Variants in DRAM2 observed in about 807,000 individuals in gnomAD.
DRAM2 encodes DNA damage regulated autophagy modulator 2.
DRAM2 carries 26 observed loss-of-function variants against 33.5 expected under a neutral mutation model. The ratio of observed to expected loss-of-function variants is 0.78; its 90% CI spans 0.57 to 1.08. The LOEUF is 1.08. Among genes scored for constraint, DRAM2 ranks in the 50% least tolerant of loss-of-function variants. DRAM2 has a pLI of 0.00. For missense variants in DRAM2, 311 were observed against 318.1 expected, an observed-to-expected ratio of 0.98 and a Z score of 0.17; for synonymous variants, 98 against 109.5, an observed-to-expected ratio of 0.89 and a Z score of 0.66.
Position 111,119,920 on chromosome 1 carries a change from C to T in DRAM2, c.557G>A (p.Gly186Glu). The part of the protein sequence containing the change: ...CSSVLHSGNF[G>E]TDLEQKLHWN... The stretch of plus-strand genomic sequence containing the variant: ...ATGGAGTTTCTGTTCTAAATCAGTC[C>T]CAAAATTGCCACTGTGCAAAACTGA... The change falls in exon 8 of 10, where the codon GGG becomes GAG. Residue 186 changes from glycine to glutamate, a missense_variant. By Grantham distance (98) the Gly-to-Glu change is moderately conservative. Transcript: ENST00000484310. 3 of 1,612,636 alleles carry T rather than the reference C, an allele frequency of 1.9e-6. No individual in the cohort carries two copies. Among genetic ancestry groups the T allele is most frequent in the Non-Finnish European group, 2.5e-6 (3 of 1,179,078 alleles).
intron 3 of DRAM2, among the ~76,000 whole-genome samples, chr1:111,137,198 G>A (rs910006429): frequency 1.4e-5 from 2 of 147,106 alleles, no homozygotes; most frequent in Non-Finnish European, 1.5e-5. Context: ...AGCCTGCAGT[G>A]AGCCGAGATC....
chr1:111,127,244 A>AGT (rs1651192594), intron 4 of DRAM2, among the ~76,000 whole-genome samples: 1 of 152,322 alleles, frequency 6.6e-6, no homozygotes, highest in South Asian at 2.1e-4. Context: ...TTAAAAAGAC[A>AGT]GTGTCTTTGG....
In DRAM2 at chr1:111,120,602, T is replaced by G; in HGVS notation, c.431A>C (p.Tyr144Ser). 1 of 1,611,748 alleles carries G rather than the reference T, an allele frequency of 6.2e-7. No individual in the cohort carries two copies. Among genetic ancestry groups the G allele is most frequent in the Non-Finnish European group, 8.5e-7 (1 of 1,178,740 alleles). The change falls in exon 7 of 10, where the codon TAC becomes TCC. Residue 144 changes from tyrosine (Y) to serine (S), a missense_variant. By Grantham distance (144) the Tyr-to-Ser change is moderately radical. Transcript: ENST00000484310. ...LYMFVQTILS[Y>S]QMQPKIHGKQ... is the part of the protein sequence containing the mutation. ...GCCATGGATTTTGGGCTGCATTTGG[T>G]AGGAAAGGATGGTCTGAACAAACAT...
chr1:111,126,197 TATC>T, intron 5 of DRAM2, 27 bp downstream of exon 5: 1 of 1,475,092 alleles, frequency 6.8e-7, no homozygotes, highest in Non-Finnish European at 9.5e-7. Flanking sequence ...ATTTGGCTAT[TATC>T]ATGTTAAAAT....
In DRAM2 at chr1:111,118,198, T is replaced by A. The variant is rs749130426; in HGVS notation, c.763A>T (p.Asn255Tyr). 1 of 1,613,060 alleles carries A rather than the reference T, an allele frequency of 6.2e-7. No individual in the cohort carries two copies. The highest frequency in any genetic ancestry group is 1.3e-5 in the African/African-American group (1 of 74,862). Residue 255 changes from asparagine (N) to tyrosine (Y), a missense_variant, in exon 10 of 10, where the codon AAC (asparagine) becomes TAC (tyrosine). Transcript: ENST00000484310. ...TLYDTAPCPI[N>Y]NERTRLLSRD... Reference sequence around the variant, plus strand: ...GAAAGTAGCCGTGTTCGTTCATTGTTAATAGGGCAAGGTGCAGTGTCATAG... The same window carrying A: ...GAAAGTAGCCGTGTTCGTTCATTGTAAATAGGGCAAGGTGCAGTGTCATAG...
chr1:111,121,418 C>A (rs539615526), intron 6 of DRAM2, among the ~76,000 whole-genome samples: 1 of 152,122 alleles, frequency 6.6e-6, no homozygotes, highest in South Asian at 2.1e-4. Flanking sequence ...TTCTGGCCTC[C>A]CGAACTTTGA....
intron 4 of DRAM2, among the ~76,000 whole-genome samples, chr1:111,127,154 A>G (rs1037095638): frequency 2.0e-5 from 3 of 152,216 alleles, no homozygotes; most frequent in Non-Finnish European, 4.4e-5. Flanking sequence ...ATGCATGTTA[A>G]GTATCTAGCA....
At chr1:111,135,880 A>G (rs325931) in intron 3 of DRAM2, among the ~76,000 whole-genome samples, 7,879 of 152,288 alleles carry the variant, frequency 0.052, 250 homozygotes, top group East Asian at 0.13. Context: ...TGAACAGCCA[A>G]AGCAAAATCC....
At chr1:111,121,723 TA>T (rs2101025083) in intron 6 of DRAM2, among the ~76,000 whole-genome samples, 1 of 152,178 alleles carries the variant, frequency 6.6e-6, no homozygotes, top group East Asian at 1.9e-4. Context: ...ACCACAGCAA[TA>T]AGAGAATTTT....
At position 111,117,559 on chromosome 1, in the gene DRAM2, G is replaced by GAA; in HGVS notation, c.*599_*600dup. ...AGCTTAGTATCTGGCATTGTGGCCA[G>GAA]AAAAAAAAAAATCGTTACCTACAAA... is the stretch of plus-strand genomic sequence containing the variant. On this transcript the variant is annotated 3_prime_UTR_variant, in exon 10 of 10. Transcript: ENST00000484310. 6.8e-6 allele frequency: 1 copy of GAA among 146,446 alleles called. No individual in the cohort carries two copies. The highest frequency in any genetic ancestry group is 1.5e-5 in the Non-Finnish European group (1 of 66,310). 9.1% of individuals were successfully genotyped at this position (146,446 alleles called of 1,614,324 possible).
intron 3 of DRAM2, among the ~76,000 whole-genome samples, chr1:111,136,380 C>G (rs1653141109): frequency 3.3e-5 from 5 of 152,062 alleles, no homozygotes; most frequent in Admixed American, 3.3e-4. Context: ...GCCTGGCCAG[C>G]ACGGTGAAAC....
intron 4 of DRAM2, among the ~76,000 whole-genome samples, chr1:111,128,785 GAAGT>G (rs1204281896): frequency 1.3e-5 from 2 of 152,140 alleles, no homozygotes; most frequent in East Asian, 3.8e-4. Flanking sequence ...TGGATGTATA[GAAGT>G]GGAACCCATG....
At chr1:111,133,178 C>CA (rs1553230942) in intron 3 of DRAM2, among the ~76,000 whole-genome samples, 1 of 134,586 alleles carries the variant, frequency 7.4e-6, no homozygotes, top group Non-Finnish European at 1.6e-5. Flanking sequence ...CTTTACTTAC[C>CA]TTTTTTTTTT....
intron 2 of DRAM2, 68 bp downstream of exon 2, chr1:111,139,433 C>G (rs1378137283): frequency 6.6e-6 from 1 of 152,200 alleles, no homozygotes; most frequent in East Asian, 1.9e-4. Flanking sequence ...CACCAGGGAT[C>G]GTAATTTCAA....
Position 111,118,225 on chromosome 1 carries a change from G to A in DRAM2, c.736C>T (p.Leu246Phe). 1 of 1,612,952 alleles carries A rather than the reference G, an allele frequency of 6.2e-7. No homozygotes were observed. Among genetic ancestry groups the A allele is most frequent in the South Asian group, 1.1e-5 (1 of 90,976 alleles). ...ATAGGGCAAGGTGCAGTGTCATAGA[G>A]GGTTAATCCATGTAAATTGGCTTCC... ...RVEANLHGLTLYDTAPCPINN... is the reference protein window; with the variant it reads ...RVEANLHGLTFYDTAPCPINN... The change falls in exon 10 of 10, where the codon CTC becomes TTC. Residue 246 changes from leucine to phenylalanine, a missense_variant. Coordinates refer to ENST00000484310, the MANE Select transcript of DRAM2 (RefSeq NM_001349884.2).
At chr1:111,132,099 T>TA (rs940298800) in intron 3 of DRAM2, among the ~76,000 whole-genome samples, 11 of 152,212 alleles carry the variant, frequency 7.2e-5, no homozygotes, top group Non-Finnish European at 1.6e-4. Context: ...GACCAAGGCA[T>TA]AATTAGAGGG....
chr1:111,125,148 A>T (rs1650765184), intron 5 of DRAM2, among the ~76,000 whole-genome samples: 1 of 152,136 alleles, frequency 6.6e-6, no homozygotes, highest in African/African-American at 2.4e-5. Context: ...GATAGCTGGG[A>T]CTGTAGGCAC....
chr1:111,118,856 AGACCATTCTGCTGCAGT>A lies in DRAM2; in HGVS notation c.625_641del (p.Thr209TyrfsTer15). On this transcript the variant is annotated frameshift_variant, in exon 9 of 10. Coordinates refer to ENST00000484310, the MANE Select transcript of DRAM2 (RefSeq NM_001349884.2). LOFTEE classifies it high-confidence loss of function. ...AAAAACCAAAGAAGGAAAATGACAT[AGACCATTCTGCTGCAGT>A]AGTGATCATGTGAAGCACATAACCC... is the stretch of plus-strand genomic sequence containing the variant. 1.2e-6 allele frequency: 2 copies of A among 1,610,644 alleles called. No individual in the cohort carries two copies. Among genetic ancestry groups the A allele is most frequent in the Non-Finnish European group, 1.7e-6 (2 of 1,177,988 alleles).
In DRAM2 at chr1:111,127,567, G is replaced by C. The variant is rs113442368; in HGVS notation, c.132-1273C>G. Among the ~76,000 whole-genome samples the C allele has an allele frequency of 6.5e-3, 983 of 152,080 alleles. 12 individuals carry two copies. Among genetic ancestry groups the C allele is most frequent in the African/African-American group, 0.021 (883 of 41,480 alleles). On this transcript the variant is annotated intron_variant, in intron 4 of 9. Transcript: ENST00000484310. ...TTATCTTTTACATACAAAAGATTTTGGTACTCTTTGACCATCTTCAGGAGG... is the reference window on the plus strand; with the variant it reads ...TTATCTTTTACATACAAAAGATTTTCGTACTCTTTGACCATCTTCAGGAGG...
Sources: allele counts gnomAD v4.1 joint callset (sites outside exome capture counted in the v4.1 genomes callset), GRCh38; gene constraint gnomAD v4.1.1; transcripts MANE v1.5; gene names NCBI Gene and HGNC (gene_info 2026-07-23, HGNC 2026-07-21).